Variants in MACROD2 observed in about 807,000 individuals in gnomAD.
MACROD2 encodes ADP-ribose glycohydrolase MACROD2.
A neutral mutation model predicts 70.4 loss-of-function variants in MACROD2; 36 were observed. The ratio of observed to expected loss-of-function variants is 0.51; its 90% CI spans 0.39 to 0.68. The LOEUF (loss-of-function observed/expected upper bound fraction) is 0.68. MACROD2 is among the 30% of genes least tolerant of loss of function. MACROD2 has a pLI of 0.00. For synonymous variants in MACROD2, 172 were observed against 178.8 expected, an observed-to-expected ratio of 0.96 and a Z score of 0.30; for missense variants, 496 against 538.4, an observed-to-expected ratio of 0.92 and a Z score of 0.78.
intron 6 of MACROD2, among the ~76,000 whole-genome samples, chr20:15,259,959 A>G (rs2077233659): frequency 6.6e-6 from 1 of 151,902 alleles, no homozygotes; most frequent in South Asian, 2.1e-4. Context: ...TGGAGCAAAA[A>G]GGAATGGAAT....
chr20:16,034,595 A>G (rs1294733954), intron 15 of MACROD2, among the ~76,000 whole-genome samples: 1 of 152,030 alleles, frequency 6.6e-6, no homozygotes, highest in Non-Finnish European at 1.5e-5. Context: ...ACCATACCAC[A>G]GTGAGCACAG....
intron 5 of MACROD2, among the ~76,000 whole-genome samples, chr20:14,972,587 T>C (rs747657325): frequency 7.9e-5 from 12 of 152,218 alleles, no homozygotes; most frequent in Non-Finnish European, 1.3e-4. Flanking sequence ...TTCTTTTGTT[T>C]AATGGTTTGA....
intron 4 of MACROD2, among the ~76,000 whole-genome samples, chr20:14,603,499 A>G (rs181183571): frequency 7.1e-4 from 108 of 152,316 alleles, no homozygotes; most frequent in African/African-American, 2.5e-3. Flanking sequence ...CAATTTTGGC[A>G]TGGTCTAATA....
intron 8 of MACROD2, among the ~76,000 whole-genome samples, chr20:15,610,904 T>C (rs904236481): frequency 3.9e-5 from 6 of 152,088 alleles, no homozygotes; most frequent in Non-Finnish European, 8.8e-5. Context: ...CAGATGCTCT[T>C]TCTCATTTCA....
chr20:15,802,743 A>C (rs1012593707), intron 8 of MACROD2, among the ~76,000 whole-genome samples: 1 of 152,138 alleles, frequency 6.6e-6, no homozygotes, highest in African/African-American at 2.4e-5. Context: ...TTTTTTTGAA[A>C]AGATAAACAA....
chr20:15,466,431 C>T (rs1199448550), intron 7 of MACROD2, among the ~76,000 whole-genome samples: 4 of 152,148 alleles, frequency 2.6e-5, no homozygotes, highest in South Asian at 2.1e-4. Context: ...TAAAAGAACA[C>T]AAGATGGTGT....
At chr20:15,780,726 TG>T (rs2051817021) in intron 8 of MACROD2, among the ~76,000 whole-genome samples, 1 of 152,078 alleles carries the variant, frequency 6.6e-6, no homozygotes, top group Non-Finnish European at 1.5e-5. Context: ...AAGTAAACAA[TG>T]ATGGCTTAGA....
intron 3 of MACROD2, among the ~76,000 whole-genome samples, chr20:14,315,473 T>G (rs527969671): frequency 3.7e-4 from 57 of 152,320 alleles, no homozygotes; most frequent in African/African-American, 1.3e-3. Context: ...GTTTTACAAG[T>G]TGGAAAGATT....
chr20:15,879,452 T>C (rs1250986134), intron 9 of MACROD2, among the ~76,000 whole-genome samples: 1 of 152,170 alleles, frequency 6.6e-6, no homozygotes, highest in Non-Finnish European at 1.5e-5. Flanking sequence ...ATTTCATTAA[T>C]ATGTAATGGC....
chr20:14,722,067 G>T (rs183383134), intron 5 of MACROD2, among the ~76,000 whole-genome samples: 289 of 152,260 alleles, frequency 1.9e-3, no homozygotes, highest in Non-Finnish European at 2.6e-3. Flanking sequence ...AAATTTCAGT[G>T]GCATAGACAC....
chr20:15,245,946 A>G (rs2077101326), intron 6 of MACROD2, among the ~76,000 whole-genome samples: 2 of 152,228 alleles, frequency 1.3e-5, no homozygotes, highest in African/African-American at 2.4e-5. Flanking sequence ...CAAATTAAGA[A>G]GCATTTTTAG....
chr20:14,598,753 A>G (rs547382568), intron 4 of MACROD2, among the ~76,000 whole-genome samples: 1 of 152,262 alleles, frequency 6.6e-6, no homozygotes, highest in Admixed American at 6.5e-5. Context: ...GAAAGCCTTT[A>G]ATGGAGGCTG....
chr20:15,098,644 T>C (rs528170011), intron 5 of MACROD2, among the ~76,000 whole-genome samples: 2 of 152,338 alleles, frequency 1.3e-5, no homozygotes, highest in African/African-American at 4.8e-5. Flanking sequence ...GTCCTTGCTA[T>C]CCTAAGATTA....
rs767435610 is a variant in MACROD2, at chr20:15,479,265, C to CTTTT, written c.572-20487_572-20484dup. Reference sequence around the variant, plus strand: ...TTGTTAAGTACTAGATTCTCGCTCTCTTTTTTTTTTTTTTTTTTTTTTTTT... The same window carrying CTTTT: ...TTGTTAAGTACTAGATTCTCGCTCTCTTTTTTTTTTTTTTTTTTTTTTTTTTTTT... On this transcript the variant is annotated intron_variant, in intron 7 of 17. Coordinates refer to ENST00000684519, the MANE Select transcript of MACROD2 (RefSeq NM_001351661.2). Among the ~76,000 whole-genome samples, 273 of 87,754 alleles carry CTTTT rather than the reference C, an allele frequency of 3.1e-3. 5 individuals are homozygous for CTTTT. Among genetic ancestry groups the CTTTT allele is most frequent in the African/African-American group, 6.1e-3 (112 of 18,374 alleles). The allele number at this position is 87,754 out of a possible 152,430, so 57.6% of individuals were successfully genotyped here. A position where few individuals can be genotyped will look rare whatever the true frequency, so the allele number is the denominator to read the frequency against.
At chr20:15,396,123 G>A (rs184082790) in intron 6 of MACROD2, among the ~76,000 whole-genome samples, 7 of 152,248 alleles carry the variant, frequency 4.6e-5, no homozygotes. Flanking sequence ...TAAAATTCCC[G>A]GCAGAGGACT....
chr20:14,200,710 A>G (rs190640010), intron 3 of MACROD2, among the ~76,000 whole-genome samples: 7 of 152,310 alleles, frequency 4.6e-5, no homozygotes, highest in African/African-American at 1.7e-4. Context: ...ATGTGTGCAC[A>G]GTTTGGTAAA....
chr20:14,507,489 G>A (rs942284800), intron 4 of MACROD2, among the ~76,000 whole-genome samples: 3 of 152,074 alleles, frequency 2.0e-5, no homozygotes, highest in Non-Finnish European at 4.4e-5. Flanking sequence ...TAATGTTACT[G>A]ACCTGTACTA....
chr20:15,868,530 G>A (rs2064525484), intron 9 of MACROD2, among the ~76,000 whole-genome samples: 1 of 151,446 alleles, frequency 6.6e-6, no homozygotes, highest in Non-Finnish European at 1.5e-5. Context: ...ACAGAGCAAT[G>A]AAGAACAAAT....
chr20:14,885,050 C>T lies in MACROD2; in HGVS notation c.418+200091C>T, dbSNP rs189812395. Among the ~76,000 whole-genome samples the T allele has an allele frequency of 1.5e-3, 223 of 152,278 alleles. 5 individuals carry two copies. The Middle Eastern group carries it at 0.041, about 28-fold the overall frequency. ...TTAATGTCAAAGGCATGTCCTTAAC[C>T]TTGGCAAAGCAAACTTCTAAACTGA... is the stretch of plus-strand genomic sequence containing the variant. On this transcript the variant is annotated intron_variant, in intron 5 of 17. Coordinates refer to ENST00000684519, the MANE Select transcript of MACROD2 (RefSeq NM_001351661.2).
Sources: allele counts gnomAD v4.1 joint callset (sites outside exome capture counted in the v4.1 genomes callset), GRCh38; gene constraint gnomAD v4.1.1; transcripts MANE v1.5; gene names NCBI Gene and HGNC (gene_info 2026-07-23, HGNC 2026-07-21).